PTN: variants seen among roughly 807,000 people sequenced by gnomAD.
The protein encoded by PTN is heparin affin regulatory protein.
PTN carries 18 observed loss-of-function variants against 24.1 expected under a neutral mutation model. The ratio of observed to expected loss-of-function variants is 0.75; its 90% CI spans 0.52 to 1.11. The LOEUF (loss-of-function observed/expected upper bound fraction) is 1.11. Among genes scored for constraint, PTN ranks in the 50% least tolerant of loss-of-function variants. The pLI is 0.00. For missense variants in PTN, 163 were observed against 198.8 expected (o/e 0.82, Z 1.08); for synonymous variants, 78 against 68.6 (o/e 1.14, Z -0.67).
chr7:137,327,726 A>G (rs2128882287), intron 1 of PTN, among the ~76,000 whole-genome samples: 1 of 152,118 alleles, frequency 6.6e-6, no homozygotes, highest in East Asian at 1.9e-4. Context: ...AAACCACTAA[A>G]CCACTCTTTT....
At chr7:137,234,349 G>A (rs558109916) in intron 4 of PTN, among the ~76,000 whole-genome samples, 79 of 152,022 alleles carry the variant, frequency 5.2e-4, no homozygotes, top group Non-Finnish European at 8.8e-4. Context: ...TATTAGAAAA[G>A]GATGTACTGG....
At chr7:137,287,791 T>C (rs1809580352) in intron 1 of PTN, 1 of 152,160 alleles carries the variant, frequency 6.6e-6, no homozygotes, top group Admixed American at 6.5e-5. Flanking sequence ...AAAAAGGGCT[T>C]ACATTGTATG....
chr7:137,228,741 A>G (rs541310640), intron 4 of PTN, among the ~76,000 whole-genome samples: 1 of 152,010 alleles, frequency 6.6e-6, no homozygotes, highest in African/African-American at 2.4e-5. Context: ...TGAGGATTTC[A>G]ATCAAAAGAC....
chr7:137,338,235 A>G (rs1810479954), intron 1 of PTN, among the ~76,000 whole-genome samples: 1 of 152,198 alleles, frequency 6.6e-6, no homozygotes, highest in South Asian at 2.1e-4. Flanking sequence ...TGTTTTCATT[A>G]AAGGACACTC....
intron 1 of PTN, among the ~76,000 whole-genome samples, chr7:137,266,663 T>G (rs901893705): frequency 2.0e-5 from 3 of 151,784 alleles, no homozygotes; most frequent in African/African-American, 4.8e-5. Flanking sequence ...CCATTCTGTT[T>G]TTTTTTTTTT....
chr7:137,297,521 A>G lies in PTN; in HGVS notation c.-1-42547T>C, dbSNP rs1053858125. Among the ~76,000 whole-genome samples the G allele has an allele frequency of 3.9e-5, 6 of 152,080 alleles. No homozygotes were observed. The East Asian group carries it at 1.2e-3, about 29-fold the overall frequency. ...GGAACATACTGAGATGAGCAACAAA[A>G]AAAGATTTACCACCTTTGGATCTGA... On this transcript the variant is annotated intron_variant, in intron 1 of 4. Coordinates refer to ENST00000348225, the MANE Select transcript of PTN (RefSeq NM_002825.7).
intron 1 of PTN, among the ~76,000 whole-genome samples, chr7:137,290,483 A>G (rs1809622558): frequency 6.6e-6 from 1 of 152,200 alleles, no homozygotes; most frequent in South Asian, 2.1e-4. Flanking sequence ...AGGTTCATCA[A>G]ATTCCTCTGG....
At chr7:137,292,388 G>A (rs1334346413) in intron 1 of PTN, among the ~76,000 whole-genome samples, 1 of 152,122 alleles carries the variant, frequency 6.6e-6, no homozygotes, top group African/African-American at 2.4e-5. Flanking sequence ...GTGAATCATG[G>A]GGAAGGGTTT....
chr7:137,276,220 A>C (rs1809356654), intron 1 of PTN, among the ~76,000 whole-genome samples: 1 of 152,174 alleles, frequency 6.6e-6, no homozygotes, highest in African/African-American at 2.4e-5. Context: ...TAAATTTGTT[A>C]ATTGATCTGT....
intron 1 of PTN, among the ~76,000 whole-genome samples, chr7:137,257,365 G>A (rs17169012): frequency 0.025 from 3,850 of 152,216 alleles, 170 homozygotes; most frequent in African/African-American, 0.089. Flanking sequence ...GAATGGTCAC[G>A]CAGAAAAGTT....
chr7:137,333,822 T>C (rs1444412054), intron 1 of PTN, among the ~76,000 whole-genome samples: 1 of 152,126 alleles, frequency 6.6e-6, no homozygotes, highest in Non-Finnish European at 1.5e-5. Context: ...CAAAACAGCA[T>C]GGTACTGGTA....
intron 1 of PTN, among the ~76,000 whole-genome samples, chr7:137,257,080 T>C (rs1360628818): frequency 1.3e-5 from 2 of 152,178 alleles, no homozygotes; most frequent in Non-Finnish European, 2.9e-5. Flanking sequence ...ATAAGTGTTG[T>C]TTTTAAAAAT....
At chr7:137,254,282 C>A (rs1808878815) in intron 2 of PTN, among the ~76,000 whole-genome samples, 1 of 146,562 alleles carries the variant, frequency 6.8e-6, no homozygotes, top group African/African-American at 2.5e-5. Context: ...GGTGACAGAG[C>A]GAGACTCCAA....
intron 1 of PTN, among the ~76,000 whole-genome samples, chr7:137,312,395 C>T (rs1324746487): frequency 6.6e-6 from 1 of 152,160 alleles, no homozygotes; most frequent in Non-Finnish European, 1.5e-5. Context: ...GCAGTGGGAG[C>T]CTACTAAAAT....
At chr7:137,273,824 A>C (rs2128874783) in intron 1 of PTN, among the ~76,000 whole-genome samples, 1 of 152,260 alleles carries the variant, frequency 6.6e-6, no homozygotes, top group African/African-American at 2.4e-5. Context: ...TAAAACCCTA[A>C]GTTACCACCA....
chr7:137,322,308 G>A (rs1263179197), intron 1 of PTN, among the ~76,000 whole-genome samples: 1 of 152,120 alleles, frequency 6.6e-6, no homozygotes, highest in Non-Finnish European at 1.5e-5. Flanking sequence ...TTTTCAACTG[G>A]TGACATCTAT....
chr7:137,268,007 A>T (rs1320771132), intron 1 of PTN, among the ~76,000 whole-genome samples: 3 of 152,166 alleles, frequency 2.0e-5, no homozygotes, highest in Non-Finnish European at 2.9e-5. Context: ...AAGAGCCCAT[A>T]AAGGCACAAA....
In PTN at chr7:137,249,886, T is replaced by C. The variant is rs78920994; in HGVS notation, c.451+1344A>G. Reference sequence around the variant, plus strand: ...CAGCCTGTACCTGGCCATCCTGAAGTTGGAGATAACTATTTCTATGGACAA... The same window carrying C: ...CAGCCTGTACCTGGCCATCCTGAAGCTGGAGATAACTATTTCTATGGACAA... On this transcript the variant is annotated intron_variant, in intron 4 of 4. Transcript: ENST00000348225. Among the ~76,000 whole-genome samples the C allele has an allele frequency of 2.9e-4, 44 of 152,240 alleles. No individual in the cohort carries two copies. The East Asian group carries it at 3.5e-3, about 12-fold the overall frequency.
intron 4 of PTN, among the ~76,000 whole-genome samples, chr7:137,230,636 G>A (rs182472989): frequency 6.6e-6 from 1 of 151,748 alleles, no homozygotes; most frequent in Admixed American, 6.6e-5. Flanking sequence ...GCAGTTTTTT[G>A]TGACTTTTAT....
Sources: gnomAD v4.1 joint callset for allele counts (sites outside exome capture counted in the v4.1 genomes callset) on GRCh38, gnomAD v4.1.1 for gene constraint, MANE v1.5 for transcripts, NCBI Gene and HGNC (gene_info 2026-07-23, HGNC 2026-07-21) for gene names.